The following NUP214 variants were observed in gnomAD, a reference collection of about 807,000 sequenced individuals.
NUP214 encodes nucleoporin 214.
Under a neutral mutation model 196.2 loss-of-function variants are expected in NUP214, and 79 were observed. The observed-to-expected ratio is 0.40, with a 90% confidence interval of 0.34 to 0.49. The LOEUF (loss-of-function observed/expected upper bound fraction) is 0.49. Ranked by LOEUF, NUP214 falls within the 20% of genes least tolerant of loss-of-function variation. The probability of loss-of-function intolerance (pLI) is 0.58; values close to 1 mark genes in which losing one functional copy is unlikely to be tolerated. For missense variants in NUP214, 2,468 were observed against 2,539.0 expected, an observed-to-expected ratio of 0.97 and a Z score of 0.60; for synonymous variants, 1,020 against 990.5, an observed-to-expected ratio of 1.03 and a Z score of -0.56.
At chr9:131,171,792 G>A (rs1832967018) in intron 21 of NUP214, among the ~76,000 whole-genome samples, 1 of 152,092 alleles carries the variant, frequency 6.6e-6, no homozygotes, top group Non-Finnish European at 1.5e-5. Context: ...CTGTGAGTGA[G>A]AACATGCGGT....
intron 32 of NUP214, 30 bp downstream of exon 32, chr9:131,222,960 C>T (rs1490005825): frequency 1.2e-6 from 2 of 1,603,820 alleles, no homozygotes; most frequent in Non-Finnish European, 1.7e-6. Context: ...TTATGGTTAT[C>T]TTTATATATG....
intron 30 of NUP214, among the ~76,000 whole-genome samples, chr9:131,210,683 G>A (rs901247112): frequency 4.6e-5 from 7 of 151,786 alleles, no homozygotes; most frequent in African/African-American, 1.2e-4. Context: ...AATCTAGTAC[G>A]TGAAATAAAA....
At chr9:131,165,406 T>C (rs550027775) in intron 21 of NUP214, 2 of 152,396 alleles carry the variant, frequency 1.3e-5, no homozygotes, top group South Asian at 2.1e-4. Context: ...ATTGAGATTA[T>C]AACAGTTTTG....
rs1181373893 is a variant in NUP214 at position 131,150,596 on chromosome 9, C to G, written c.2128-20C>G. ...GTTTGTCCTTCAGACTGAGTAGTTCCTCACTTGTGGCTTCTACAGATTGCA... is the reference window on the plus strand; with the variant it reads ...GTTTGTCCTTCAGACTGAGTAGTTCGTCACTTGTGGCTTCTACAGATTGCA... On this transcript the variant is annotated intron_variant, in intron 15 of 35. Coordinates refer to ENST00000359428, the MANE Select transcript of NUP214 (RefSeq NM_005085.4). The G allele has an allele frequency of 3.1e-6, 5 of 1,608,954 alleles. No homozygotes were observed. The highest frequency in any genetic ancestry group is 4.2e-6 in the Non-Finnish European group (5 of 1,178,072).
intron 21 of NUP214, among the ~76,000 whole-genome samples, chr9:131,166,608 G>T (rs1206546773): frequency 1.3e-5 from 2 of 152,176 alleles, no homozygotes; most frequent in Non-Finnish European, 2.9e-5. Context: ...CACACATTAA[G>T]TGCACAAAAC....
chr9:131,147,638 C>A (rs1199074394), intron 14 of NUP214, 54 bp downstream of exon 14: 3 of 1,239,684 alleles, frequency 2.4e-6, no homozygotes, highest in Non-Finnish European at 3.6e-6. Context: ...CTGCCCCAAG[C>A]ATACCTATGA....
intron 21 of NUP214, among the ~76,000 whole-genome samples, chr9:131,171,594 G>T (rs570486433): frequency 1.3e-4 from 18 of 141,286 alleles, no homozygotes; most frequent in African/African-American, 4.8e-4. Flanking sequence ...GGGTACATGT[G>T]CACAATGTGC....
chr9:131,133,298 G>GTTTT, intron 7 of NUP214, 89 bp downstream of exon 7: 2 of 554,760 alleles, frequency 3.6e-6, no homozygotes, highest in Non-Finnish European at 5.6e-6. Flanking sequence ...GTTTTTTTGT[G>GTTTT]TTTGTGTTTT....
At chr9:131,127,834 G>A (rs1421028936) in intron 2 of NUP214, 115 bp downstream of exon 2, 1 of 760,938 alleles carries the variant, frequency 1.3e-6, no homozygotes, top group East Asian at 2.6e-5. Context: ...TCAGTTTGAA[G>A]GTTGACTCCC....
At chr9:131,132,699 A>G (rs750270808) in intron 6 of NUP214, 40 bp downstream of exon 6, 18 of 1,523,032 alleles carry the variant, frequency 1.2e-5, no homozygotes, top group Non-Finnish European at 1.5e-5. Flanking sequence ...CTCTAATGAC[A>G]TGTTATGTAT....
At position 131,147,126 on chromosome 9, in the gene NUP214, A is replaced by G. The variant is rs1832107613; in HGVS notation, c.1946-364A>G. Among the ~76,000 whole-genome samples the G allele has an allele frequency of 2.0e-5, 3 of 151,878 alleles. 1 individual carries two copies. The highest frequency in any genetic ancestry group is 2.0e-4 in the Admixed American group (3 of 15,258). On this transcript the variant is annotated intron_variant, in intron 13 of 35. Transcript: ENST00000359428. ...CTTAGCCTCCTGAGTAGCTGGGACT[A>G]CAGGCATGTACCACCACCGTCGGCT...
At chr9:131,224,205 A>G (rs1262517115) in intron 32 of NUP214, among the ~76,000 whole-genome samples, 4 of 152,206 alleles carry the variant, frequency 2.6e-5, no homozygotes, top group East Asian at 1.9e-4. Context: ...TATATAAACT[A>G]TATGCCTTTT....
Position 131,147,489 on chromosome 9 carries a change from G to A in NUP214, c.1946-1G>A. Reference sequence around the variant, plus strand: ...TTTTAACTGACTTCTTTTTCAAGCAGGACGATCTGCTCAGGGCAGTTCAAG... The same window carrying A: ...TTTTAACTGACTTCTTTTTCAAGCAAGACGATCTGCTCAGGGCAGTTCAAG... On this transcript the variant is annotated splice_acceptor_variant, in intron 13 of 35. Coordinates refer to ENST00000359428, the MANE Select transcript of NUP214 (RefSeq NM_005085.4). LOFTEE classifies it high-confidence loss of function. The A allele has an allele frequency of 6.2e-7, 1 of 1,606,792 alleles. No homozygotes were observed. The highest frequency in any genetic ancestry group is 8.5e-7 in the Non-Finnish European group (1 of 1,177,302).
chr9:131,145,004 G>C (rs1454644501), intron 12 of NUP214, among the ~76,000 whole-genome samples: 2 of 151,992 alleles, frequency 1.3e-5, no homozygotes, highest in East Asian at 3.8e-4. Context: ...TATTTGTTTT[G>C]CTTTTTTACG....
chr9:131,128,987 G>T (rs1181892414), intron 3 of NUP214, among the ~76,000 whole-genome samples: 3 of 152,160 alleles, frequency 2.0e-5, no homozygotes, highest in Non-Finnish European at 4.4e-5. Flanking sequence ...TTAAGAAGCA[G>T]AGCCAAGATT....
At position 131,197,747 on chromosome 9, in the gene NUP214, G is replaced by T. The variant is rs1372739849; in HGVS notation, c.4253G>T (p.Ser1418Ile). 1 of 1,614,208 alleles carries T rather than the reference G, an allele frequency of 6.2e-7. No individual in the cohort carries two copies. The highest frequency in any genetic ancestry group is 1.7e-5 in the Admixed American group (1 of 60,028). Residue 1418 changes from serine to isoleucine, a missense_variant, in exon 29 of 36, where the codon AGT becomes ATT. Around this residue, in one of 5 missense-constraint regions of NUP214, gnomAD observed 1,801 missense variants for 1,779.4 expected, o/e 1.01. Transcript: ENST00000359428. The part of the protein sequence containing the change: ...TAVFGSLPVT[S>I]AGSSGVISFG... The stretch of plus-strand genomic sequence containing the variant: ...GTTTTTGGCAGTCTGCCAGTCACCA[G>T]TGCAGGATCCTCTGGGGTCATCAGT...
At chr9:131,139,699 A>G (rs1314007566) in intron 10 of NUP214, among the ~76,000 whole-genome samples, 5 of 152,246 alleles carry the variant, frequency 3.3e-5, no homozygotes, top group African/African-American at 1.2e-4. Flanking sequence ...AATATAGAAC[A>G]TCAGGATTTT....
In NUP214 at chr9:131,147,508, G is replaced by A; in HGVS notation, c.1964G>A (p.Ser655Asn). 1 of 1,613,938 alleles carries A rather than the reference G, an allele frequency of 6.2e-7. No homozygotes were observed. Among genetic ancestry groups the A allele is most frequent in the Non-Finnish European group, 8.5e-7 (1 of 1,179,870 alleles). Residue 655 changes from serine to asparagine, a missense_variant, in exon 14 of 36, where the codon AGT becomes AAT. Ser to Asn is a conservative substitution (Grantham distance 46). Transcript: ENST00000359428. ...PSPSGRSAQGSSSPVPSMVQK... is the reference protein window; with the variant it reads ...PSPSGRSAQGNSSPVPSMVQK... ...CAAGCAGGACGATCTGCTCAGGGCA[G>A]TTCAAGCCCAGTGCCCTCAATGGTA...
Position 131,197,755 on chromosome 9 carries a change from T to A in NUP214, c.4261T>A (p.Ser1421Thr). The A allele has an allele frequency of 1.2e-6, 2 of 1,614,168 alleles. No homozygotes were observed. The highest frequency in any genetic ancestry group is 1.7e-6 in the Non-Finnish European group (2 of 1,180,036). Residue 1421 changes from serine to threonine, a missense_variant, in exon 29 of 36, where the codon TCC (serine) becomes ACC (threonine). Coordinates refer to ENST00000359428, the MANE Select transcript of NUP214 (RefSeq NM_005085.4). ...FGSLPVTSAGSSGVISFGGTS... is the reference protein window; with the variant it reads ...FGSLPVTSAGTSGVISFGGTS... ...CAGTCTGCCAGTCACCAGTGCAGGATCCTCTGGGGTCATCAGTTTTGGTGG... is the reference window on the plus strand; with the variant it reads ...CAGTCTGCCAGTCACCAGTGCAGGAACCTCTGGGGTCATCAGTTTTGGTGG...
Sources: allele counts gnomAD v4.1 joint callset (sites outside exome capture counted in the v4.1 genomes callset), GRCh38; gene constraint gnomAD v4.1.1; regional missense constraint gnomAD v4.1.1; transcripts MANE v1.5; gene names NCBI Gene and HGNC (gene_info 2026-07-23, HGNC 2026-07-21).